SLC10A7: variants seen among roughly 807,000 people sequenced by gnomAD.
SLC10A7 encodes the protein solute carrier family 10 member 7.
A neutral mutation model predicts 43.2 loss-of-function variants in SLC10A7; 29 were observed. The observed-to-expected ratio is 0.67, with a 90% CI of 0.50 to 0.92. The LOEUF (loss-of-function observed/expected upper bound fraction) is 0.92. SLC10A7 is among the 40% of genes least tolerant of loss of function. SLC10A7 has a pLI of 0.00. For missense variants in SLC10A7, 295 were observed against 403.2 expected (o/e 0.73, Z 2.30); for synonymous variants, 152 against 144.8 (o/e 1.05, Z -0.35).
chr4:146,518,536 A>G (rs560252425), intron 1 of SLC10A7, among the ~76,000 whole-genome samples: 2 of 152,282 alleles, frequency 1.3e-5, no homozygotes, highest in Non-Finnish European at 1.5e-5. Context: ...GTCTTCTTGT[A>G]CTAGATTAAA....
At chr4:146,412,712 T>C (rs1728284218) in intron 5 of SLC10A7, among the ~76,000 whole-genome samples, 1 of 152,154 alleles carries the variant, frequency 6.6e-6, no homozygotes, top group Admixed American at 6.6e-5. Flanking sequence ...AAAGGCTGAA[T>C]TCTCTGATAC....
At chr4:146,356,754 C>G (rs1735679129) in intron 5 of SLC10A7, among the ~76,000 whole-genome samples, 1 of 152,050 alleles carries the variant, frequency 6.6e-6, no homozygotes, top group Non-Finnish European at 1.5e-5. Context: ...GTCTTCTTCC[C>G]CCTGCATTCT....
At chr4:146,390,144 C>G (rs1255864665) in intron 5 of SLC10A7, among the ~76,000 whole-genome samples, 1 of 152,250 alleles carries the variant, frequency 6.6e-6, no homozygotes, top group South Asian at 2.1e-4. Context: ...TTATATCTTA[C>G]ACAGAATAAT....
rs572261814 is a variant in SLC10A7 at position 146,427,207 on chromosome 4, C to T, written c.435+15576G>A. On this transcript the variant is annotated intron_variant, in intron 5 of 11. Transcript: ENST00000335472. Reference sequence around the variant, plus strand: ...AAAATTAGCTGGGCATGGTGTTGCACGCCTGTGGTTCCAGCTACTCAGGAG... The same window carrying T: ...AAAATTAGCTGGGCATGGTGTTGCATGCCTGTGGTTCCAGCTACTCAGGAG... Among the ~76,000 whole-genome samples, 8 of 152,150 alleles carry T rather than the reference C, an allele frequency of 5.3e-5. No individual in the cohort carries two copies. The East Asian group carries it at 9.7e-4, about 18-fold the overall frequency.
chr4:146,456,218 A>G (rs932758528), intron 4 of SLC10A7, among the ~76,000 whole-genome samples: 18 of 152,116 alleles, frequency 1.2e-4, no homozygotes, highest in African/African-American at 4.1e-4. Flanking sequence ...ACAGTAAAGA[A>G]AAATCACTGA....
intron 5 of SLC10A7, among the ~76,000 whole-genome samples, chr4:146,339,995 G>C (rs1360221413): frequency 1.3e-5 from 2 of 150,944 alleles, no homozygotes; most frequent in Non-Finnish European, 3.0e-5. Context: ...ACCCCGACAG[G>C]TCCCGGTGTG....
intron 5 of SLC10A7, among the ~76,000 whole-genome samples, chr4:146,341,515 TATACATAAATAGGATAAAATTTCACCATA>T: frequency 6.6e-6 from 1 of 151,832 alleles, no homozygotes; most frequent in African/African-American, 2.4e-5. Flanking sequence ...CACATATGTT[TATACATAAATAGGATAAAATTTCACCATA>T]ATACATCTCA....
chr4:146,507,337 G>A (rs533029261), intron 3 of SLC10A7, among the ~76,000 whole-genome samples: 3 of 152,098 alleles, frequency 2.0e-5, no homozygotes, highest in African/African-American at 2.4e-5. Context: ...TGAGGTGGGC[G>A]GATCACGAGG....
chr4:146,460,753 T>C (rs992827988), intron 4 of SLC10A7, among the ~76,000 whole-genome samples: 11 of 151,992 alleles, frequency 7.2e-5, no homozygotes, highest in Admixed American at 2.0e-4. Context: ...GTTTATACAA[T>C]TTTATACATA....
chr4:146,308,190 A>C (rs1442354345), intron 6 of SLC10A7, among the ~76,000 whole-genome samples: 2 of 152,196 alleles, frequency 1.3e-5, no homozygotes, highest in African/African-American at 4.8e-5. Context: ...AACTGGGTAC[A>C]TGAAGACAGA....
At chr4:146,383,032 C>T (rs1352629906) in intron 5 of SLC10A7, among the ~76,000 whole-genome samples, 2 of 151,998 alleles carry the variant, frequency 1.3e-5, no homozygotes. Flanking sequence ...GGAATGTAGG[C>T]CTCTGAAACC....
chr4:146,287,479 A>G (rs1394174243), intron 9 of SLC10A7, among the ~76,000 whole-genome samples: 3 of 152,136 alleles, frequency 2.0e-5, no homozygotes, highest in Non-Finnish European at 4.4e-5. Context: ...TCAGGTAGAG[A>G]ACGGGCAAGC....
intron 5 of SLC10A7, among the ~76,000 whole-genome samples, chr4:146,369,614 C>A (rs1229508925): frequency 3.9e-5 from 6 of 152,066 alleles, no homozygotes; most frequent in Admixed American, 3.9e-4. Context: ...GGATCTCCAG[C>A]AGACAAATGA....
At chr4:146,485,568 C>T (rs1734839549) in intron 4 of SLC10A7, among the ~76,000 whole-genome samples, 2 of 152,150 alleles carry the variant, frequency 1.3e-5, no homozygotes, top group African/African-American at 4.8e-5. Flanking sequence ...TCCTAGAAGA[C>T]CTTCAGAGTA....
chr4:146,321,685 C>T (rs373516633), intron 6 of SLC10A7, among the ~76,000 whole-genome samples: 93 of 152,200 alleles, frequency 6.1e-4, no homozygotes, highest in African/African-American at 2.0e-3. Flanking sequence ...GATCCTCACA[C>T]CTTTGCCTAT....
intron 3 of SLC10A7, among the ~76,000 whole-genome samples, chr4:146,509,674 GAA>G (rs911378045): frequency 2.0e-5 from 3 of 152,112 alleles, no homozygotes; most frequent in African/African-American, 7.2e-5. Flanking sequence ...AAAATTCTCA[GAA>G]AAGTGCTCGT....
chr4:146,300,965 C>A (rs1221156019), intron 7 of SLC10A7, among the ~76,000 whole-genome samples: 1 of 152,134 alleles, frequency 6.6e-6, no homozygotes, highest in Non-Finnish European at 1.5e-5. Flanking sequence ...ATACATCTTA[C>A]ACCCTACTCT....
intron 5 of SLC10A7, among the ~76,000 whole-genome samples, chr4:146,407,057 A>T (rs530385959): frequency 1.6e-3 from 246 of 152,240 alleles, no homozygotes; most frequent in Admixed American, 2.4e-3. Flanking sequence ...TATAAACCTG[A>T]CTTATTTTAG....
chr4:146,464,861 G>A (rs965406402), intron 4 of SLC10A7, among the ~76,000 whole-genome samples: 1 of 152,174 alleles, frequency 6.6e-6, no homozygotes, highest in East Asian at 1.9e-4. Flanking sequence ...CAGAATTTTT[G>A]TTTCCTTTAA....
Sources: gnomAD v4.1 joint callset for allele counts (sites outside exome capture counted in the v4.1 genomes callset) on GRCh38, gnomAD v4.1.1 for gene constraint, MANE v1.5 for transcripts, NCBI Gene and HGNC (gene_info 2026-07-23, HGNC 2026-07-21) for gene names.